Variants in KIF6 observed in about 807,000 individuals in gnomAD.
KIF6 encodes the protein kinesin-like protein KIF6.
Under a neutral mutation model 112.7 loss-of-function variants are expected in KIF6, and 106 were observed. That is an observed-to-expected ratio of 0.94 (90% confidence interval 0.80 to 1.11). The LOEUF (loss-of-function observed/expected upper bound fraction) is 1.11. Ranked by LOEUF, KIF6 falls within the 50% of genes least tolerant of loss-of-function variation. The probability of loss-of-function intolerance (pLI) is 0.00; values close to 1 mark genes in which losing one functional copy is unlikely to be tolerated. For missense variants in KIF6, 929 were observed against 964.0 expected (o/e 0.96, Z 0.48); for synonymous variants, 339 against 339.9 (o/e 1.00, Z 0.03).
chr6:39,464,867 T>C (rs10214466), intron 13 of KIF6, among the ~76,000 whole-genome samples: 28,388 of 152,192 alleles, frequency 0.19, 4,062 homozygotes, highest in African/African-American at 0.4. Context: ...TGACTCTTAT[T>C]AATATGCAAC....
At chr6:39,464,390 G>GA (rs1773665719) in intron 13 of KIF6, among the ~76,000 whole-genome samples, 2 of 152,224 alleles carry the variant, frequency 1.3e-5, no homozygotes, top group Admixed American at 1.3e-4. Flanking sequence ...CCTCCTCTTG[G>GA]AAAAAATGAT....
chr6:39,586,309 G>T lies in KIF6; in HGVS notation c.942C>A (p.Cys314Ter). The T allele has an allele frequency of 6.2e-7, 1 of 1,614,018 alleles. No individual in the cohort carries two copies. The highest frequency in any genetic ancestry group is 1.7e-5 in the Admixed American group (1 of 60,026). Residue 314 changes from cysteine (C) to a stop codon, truncating the protein, a stop_gained, in exon 8 of 23, where the codon TGC becomes TGA. Coordinates refer to ENST00000287152, the MANE Select transcript of KIF6 (RefSeq NM_145027.6). LOFTEE classifies it high-confidence loss of function. ...SVLRDSLGGN[C>*]MTTMIATLSL... ...AGAGTGTTGCAATCATAGTTGTCATGCAGTTCCCTCCCAAACTGTCTCTTA... is the reference window on the plus strand; with the variant it reads ...AGAGTGTTGCAATCATAGTTGTCATTCAGTTCCCTCCCAAACTGTCTCTTA...
intron 22 of KIF6, among the ~76,000 whole-genome samples, chr6:39,340,007 T>C (rs574580441): frequency 6.6e-6 from 1 of 152,294 alleles, no homozygotes; most frequent in African/African-American, 2.4e-5. Context: ...TTGCTTTGGC[T>C]GAGAAGGTGC....
chr6:39,392,979 C>A (rs1042417191), intron 15 of KIF6, among the ~76,000 whole-genome samples: 3 of 152,212 alleles, frequency 2.0e-5, no homozygotes, highest in African/African-American at 7.2e-5. Context: ...CACCCCCACA[C>A]ATATCATAGT....
chr6:39,526,614 A>T (rs192943885), intron 13 of KIF6, among the ~76,000 whole-genome samples: 261 of 151,902 alleles, frequency 1.7e-3, no homozygotes, highest in Middle Eastern at 6.8e-3. Context: ...CTCCCCCACA[A>T]CCCCTTCTTT....
chr6:39,442,682 C>T (rs914888214), intron 13 of KIF6, among the ~76,000 whole-genome samples: 7 of 152,166 alleles, frequency 4.6e-5, no homozygotes, highest in Non-Finnish European at 7.3e-5. Context: ...ACTGAAAAAG[C>T]CTGGATGTCT....
chr6:39,693,852 CA>C (rs1438989341), intron 3 of KIF6, among the ~76,000 whole-genome samples: 2 of 151,946 alleles, frequency 1.3e-5, no homozygotes, highest in Non-Finnish European at 2.9e-5. Context: ...CAAAATCTGG[CA>C]AAGACACAAC....
At chr6:39,685,106 A>G (rs1787778810) in intron 3 of KIF6, among the ~76,000 whole-genome samples, 2 of 152,204 alleles carry the variant, frequency 1.3e-5, no homozygotes, top group Non-Finnish European at 2.9e-5. Context: ...AAATAGCTAG[A>G]AGGGATGAGA....
rs11385709 is a variant in KIF6 at position 39,543,619 on chromosome 6, T to TAA, written c.1426+934_1426+935dup. On this transcript the variant is annotated intron_variant, in intron 12 of 22. Coordinates refer to ENST00000287152, the MANE Select transcript of KIF6 (RefSeq NM_145027.6). ...GAAGCTAAAGCATCTTTTGGTAATTTAAAAAAAGAACAAAAATATCTGTTT... is the reference window on the plus strand; with the variant it reads ...GAAGCTAAAGCATCTTTTGGTAATTTAAAAAAAAAGAACAAAAATATCTGTTT... Among the ~76,000 whole-genome samples, 26 of 152,152 alleles carry TAA rather than the reference T, an allele frequency of 1.7e-4. No individual in the cohort carries two copies. In the East Asian group the frequency reaches 4.4e-3, roughly 26 times the overall value.
chr6:39,421,828 A>C (rs1285344958), intron 14 of KIF6, among the ~76,000 whole-genome samples: 2 of 152,212 alleles, frequency 1.3e-5, no homozygotes, highest in Non-Finnish European at 2.9e-5. Context: ...TCAGACATTT[A>C]CATGATGCAC....
chr6:39,380,274 T>C (rs1766810873), intron 16 of KIF6, among the ~76,000 whole-genome samples: 1 of 152,156 alleles, frequency 6.6e-6, no homozygotes, highest in Non-Finnish European at 1.5e-5. Context: ...TTCTTAGAGA[T>C]GGTTATTGAT....
At chr6:39,475,401 A>G (rs1230893281) in intron 13 of KIF6, among the ~76,000 whole-genome samples, 1 of 152,242 alleles carries the variant, frequency 6.6e-6, no homozygotes, top group Non-Finnish European at 1.5e-5. Flanking sequence ...CCAGTGATGG[A>G]AAGTTTGCAA....
At chr6:39,539,737 T>G (rs951926470) in intron 13 of KIF6, among the ~76,000 whole-genome samples, 1 of 152,246 alleles carries the variant, frequency 6.6e-6, no homozygotes, top group African/African-American at 2.4e-5. Flanking sequence ...CTGATCTTAT[T>G]TGTTCCCTTT....
intron 6 of KIF6, among the ~76,000 whole-genome samples, chr6:39,596,730 A>G (rs1782289298): frequency 6.6e-6 from 1 of 152,236 alleles, no homozygotes; most frequent in Admixed American, 6.5e-5. Context: ...CCTAGACAAT[A>G]CAATAAACAA....
chr6:39,517,878 C>A (rs984298365), intron 13 of KIF6, among the ~76,000 whole-genome samples: 1 of 152,146 alleles, frequency 6.6e-6, no homozygotes, highest in African/African-American at 2.4e-5. Flanking sequence ...AAAACAATAT[C>A]TTGAGCCTTG....
intron 16 of KIF6, among the ~76,000 whole-genome samples, chr6:39,380,551 A>ACG (rs895294446): frequency 1.4e-4 from 21 of 152,190 alleles, no homozygotes; most frequent in African/African-American, 5.1e-4. Context: ...GTGCACATGC[A>ACG]CGCGCACACA....
intron 13 of KIF6, among the ~76,000 whole-genome samples, chr6:39,538,776 A>G (rs901351149): frequency 3.4e-5 from 5 of 148,000 alleles, no homozygotes; most frequent in African/African-American, 1.3e-4. Context: ...ACATATGTTT[A>G]TTGTGGCACT....
At chr6:39,417,521 G>A (rs1266330011) in intron 15 of KIF6, among the ~76,000 whole-genome samples, 1 of 152,134 alleles carries the variant, frequency 6.6e-6, no homozygotes, top group African/African-American at 2.4e-5. Context: ...GCATATCTGG[G>A]CCCTTTGAAC....
intron 13 of KIF6, among the ~76,000 whole-genome samples, chr6:39,449,617 G>A (rs142321499): frequency 4.8e-4 from 73 of 152,264 alleles, no homozygotes; most frequent in African/African-American, 1.3e-3. Flanking sequence ...GAAACCACAT[G>A]TATGTATGTA....
Sources: allele counts gnomAD v4.1 joint callset (sites outside exome capture counted in the v4.1 genomes callset), GRCh38; gene constraint gnomAD v4.1.1; transcripts MANE v1.5; gene names NCBI Gene and HGNC (gene_info 2026-07-23, HGNC 2026-07-21).